ZBTB20: variants seen among roughly 807,000 people sequenced by gnomAD.
ZBTB20 encodes zinc finger and BTB domain containing 20, also known as zinc finger and BTB domain-containing protein 20.
A neutral mutation model predicts 56.9 loss-of-function variants in ZBTB20; 9 were observed. That is an observed-to-expected ratio of 0.16 (90% CI 0.10 to 0.28). The LOEUF (loss-of-function observed/expected upper bound fraction) is 0.28. Among genes scored for constraint, ZBTB20 ranks in the 10% least tolerant of loss-of-function variants. The pLI is 1.00. For synonymous variants in ZBTB20, 417 were observed against 420.7 expected, an observed-to-expected ratio of 0.99 and a Z score of 0.11; for missense variants, 655 against 1,003.0, an observed-to-expected ratio of 0.65 and a Z score of 4.69.
chr3:114,417,542 C>T (rs2108802343), intron 7 of ZBTB20, among the ~76,000 whole-genome samples: 1 of 152,184 alleles, frequency 6.6e-6, no homozygotes, highest in East Asian at 1.9e-4. Flanking sequence ...TTACTTCCTA[C>T]AGAGGCTCAA....
intron 1 of ZBTB20, among the ~76,000 whole-genome samples, chr3:115,117,609 GT>G (rs1449529258): frequency 4.6e-5 from 7 of 151,472 alleles, no homozygotes; most frequent in Non-Finnish European, 1.0e-4. Context: ...TTATTCCTTT[GT>G]GTATTACAAT....
intron 7 of ZBTB20, among the ~76,000 whole-genome samples, chr3:114,404,292 T>C (rs1011013424): frequency 6.6e-6 from 1 of 152,164 alleles, no homozygotes; most frequent in Non-Finnish European, 1.5e-5. Context: ...CCCTCACCCA[T>C]GCTCATGAAA....
At chr3:115,106,813 C>T (rs908018951) in intron 1 of ZBTB20, among the ~76,000 whole-genome samples, 1 of 152,116 alleles carries the variant, frequency 6.6e-6, no homozygotes, top group South Asian at 2.1e-4. Context: ...TTCCCCTCTG[C>T]CCCCCAGAGC....
intron 10 of ZBTB20, among the ~76,000 whole-genome samples, chr3:114,365,916 G>A (rs946033278): frequency 6.6e-6 from 1 of 152,046 alleles, no homozygotes; most frequent in Non-Finnish European, 1.5e-5. Context: ...TGTTTTGTAG[G>A]TCTGCTGAAT....
At position 114,684,247 on chromosome 3, in the gene ZBTB20, T is replaced by A. The variant is rs904238996; in HGVS notation, c.-295+9281A>T. 2.6e-5 allele frequency among the ~76,000 whole-genome samples: 4 copies of A among 152,188 alleles called. No homozygotes were observed. In the South Asian group the frequency reaches 6.2e-4, roughly 24 times the overall value. On this transcript the variant is annotated intron_variant, in intron 6 of 11. Transcript: ENST00000675478. ...TAATATGTATTCATCTTCCCATATT[T>A]CAGGGAAGAAATAGTTGAACGACTT...
At chr3:114,488,626 T>C (rs1222511268) in intron 7 of ZBTB20, among the ~76,000 whole-genome samples, 5 of 152,210 alleles carry the variant, frequency 3.3e-5, no homozygotes, top group Admixed American at 6.5e-5. Context: ...GCAGTCTCTT[T>C]TTTTGTTGGT....
In ZBTB20 at chr3:114,327,169, G is replaced by C. The variant is rs1295331105; in HGVS notation, c.*11836C>G. ...ATAAATTCACACCCTGGAGTCTCTA[G>C]AATATCAAACAGGATTTAGACATTA... On this transcript the variant is annotated 3_prime_UTR_variant, in exon 12 of 12. Transcript: ENST00000675478. 2.0e-5 allele frequency: 3 copies of C among 152,136 alleles called. No individual in the cohort carries two copies. Among genetic ancestry groups the C allele is most frequent in the Non-Finnish European group, 4.4e-5 (3 of 68,010 alleles). 9.4% of individuals were successfully genotyped at this position (152,136 alleles called of 1,614,324 possible). A position where few individuals can be genotyped will look rare whatever the true frequency, so the allele number is the denominator to read the frequency against.
chr3:114,810,294 T>C (rs2072423885), intron 4 of ZBTB20, among the ~76,000 whole-genome samples: 1 of 152,232 alleles, frequency 6.6e-6, no homozygotes, highest in Non-Finnish European at 1.5e-5. Flanking sequence ...CAATTCTCCC[T>C]GCTAAATTTC....
chr3:114,648,100 T>C (rs2059942414), intron 6 of ZBTB20, among the ~76,000 whole-genome samples: 1 of 152,068 alleles, frequency 6.6e-6, no homozygotes, highest in South Asian at 2.1e-4. Flanking sequence ...GATTTTACTG[T>C]AGTATAGAAT....
In ZBTB20 at chr3:114,350,926, G is replaced by T. The variant is rs201815163; in HGVS notation, c.1152C>A (p.Gly384=). 1 of 1,606,004 alleles carries T rather than the reference G, an allele frequency of 6.2e-7. No individual in the cohort carries two copies. The highest frequency in any genetic ancestry group is 2.2e-5 in the East Asian group (1 of 44,770). Reference sequence around the variant, plus strand: ...GCTGCTCCACCGAGTCAGGCTCGGTGCCTATGGAGGAGCTGACGCCCGAGT... The same window carrying T: ...GCTGCTCCACCGAGTCAGGCTCGGTTCCTATGGAGGAGCTGACGCCCGAGT... The part of the protein sequence containing the change: ...SFDSGVSSSI[G]TEPDSVEQQF... The change falls in exon 11 of 12, where the codon GGC becomes GGA. Residue 384 remains glycine, a synonymous_variant. Transcript: ENST00000675478.
At chr3:114,495,276 G>A (rs982446883) in intron 7 of ZBTB20, among the ~76,000 whole-genome samples, 14 of 152,170 alleles carry the variant, frequency 9.2e-5, no homozygotes, top group Non-Finnish European at 1.5e-4. Context: ...ATCTTAAAGC[G>A]TGAATGTGGG....
At chr3:114,373,206 G>A (rs1473279034) in intron 10 of ZBTB20, among the ~76,000 whole-genome samples, 2 of 152,192 alleles carry the variant, frequency 1.3e-5, no homozygotes, top group African/African-American at 4.8e-5. Context: ...GAGCCACTGC[G>A]CCTTGCCCCC....
intron 5 of ZBTB20, among the ~76,000 whole-genome samples, chr3:114,787,209 C>T (rs1471957947): frequency 6.6e-6 from 1 of 151,384 alleles, no homozygotes; most frequent in South Asian, 2.1e-4. Flanking sequence ...AATTCCTGGG[C>T]TCAAGCATTC....
intron 3 of ZBTB20, among the ~76,000 whole-genome samples, chr3:114,973,401 T>A (rs922382335): frequency 5.3e-5 from 8 of 152,158 alleles, no homozygotes; most frequent in African/African-American, 1.7e-4. Flanking sequence ...TCTGGAAGTA[T>A]GAGAATGAAG....
chr3:114,976,652 C>G (rs112536871), intron 2 of ZBTB20, among the ~76,000 whole-genome samples: 9 of 151,798 alleles, frequency 5.9e-5, no homozygotes, highest in African/African-American at 2.2e-4. Context: ...TCTGAAGGAC[C>G]GTTTGAATTG....
At chr3:114,804,950 C>T (rs551214593) in intron 4 of ZBTB20, among the ~76,000 whole-genome samples, 16 of 151,900 alleles carry the variant, frequency 1.1e-4, no homozygotes, top group Middle Eastern at 6.8e-3. Context: ...CTTTTTATAA[C>T]TGGTTAGTTT....
rs539261378 is a variant in ZBTB20 at position 114,690,929 on chromosome 3, A to C, written c.-295+2599T>G. ...TCACCTCAGGTAAGAAATTGTATTC[A>C]ACACATGCTTAAACCCAATAATAAG... On this transcript the variant is annotated intron_variant, in intron 6 of 11. Transcript: ENST00000675478. 2.0e-5 allele frequency among the ~76,000 whole-genome samples: 3 copies of C among 152,298 alleles called. No individual in the cohort carries two copies. In the South Asian group the frequency reaches 6.2e-4, roughly 32 times the overall value.
At chr3:114,981,680 C>T (rs2078334841) in intron 2 of ZBTB20, among the ~76,000 whole-genome samples, 1 of 151,970 alleles carries the variant, frequency 6.6e-6, no homozygotes, top group Admixed American at 6.6e-5. Flanking sequence ...TATCATCATA[C>T]CCACTTTATC....
At chr3:114,695,538 G>A (rs1221334121) in intron 5 of ZBTB20, among the ~76,000 whole-genome samples, 1 of 151,700 alleles carries the variant, frequency 6.6e-6, no homozygotes, top group Non-Finnish European at 1.5e-5. Flanking sequence ...CTTTTCCTCT[G>A]CTTCTTTTAT....
Sources: gnomAD v4.1 joint callset for allele counts (sites outside exome capture counted in the v4.1 genomes callset) on GRCh38, gnomAD v4.1.1 for gene constraint, MANE v1.5 for transcripts, NCBI Gene and HGNC (gene_info 2026-07-23, HGNC 2026-07-21) for gene names.